The following RTN4 variants were observed in gnomAD, a reference collection of about 807,000 sequenced individuals.
RTN4 encodes the protein reticulon 4.
RTN4 carries 32 observed loss-of-function variants against 90.4 expected under a neutral mutation model. The observed-to-expected ratio is 0.35, with a 90% CI of 0.27 to 0.48. The LOEUF (loss-of-function observed/expected upper bound fraction) is 0.48. RTN4 is among the 20% of genes least tolerant of loss of function. The pLI is 0.99. For missense variants in RTN4, 1,706 were observed against 1,430.2 expected (o/e 1.19, Z -3.11); for synonymous variants, 629 against 552.5 (o/e 1.14, Z -1.94).
intron 1 of RTN4, among the ~76,000 whole-genome samples, chr2:55,107,979 G>C (rs1667973982): frequency 6.6e-6 from 1 of 151,602 alleles, no homozygotes; most frequent in Non-Finnish European, 1.5e-5. Flanking sequence ...TTGAGATGGA[G>C]TCTTGCTCTG....
At chr2:55,119,786 C>A in the RTN4 span, among the ~76,000 whole-genome samples, 49 of 152,274 alleles carry the variant, frequency 3.2e-4, no homozygotes, top group African/African-American at 1.2e-3. Flanking sequence ...TTTCCACAAC[C>A]ACCTCCTCCT....
intron 2 of RTN4, among the ~76,000 whole-genome samples, chr2:55,077,790 C>CACACACACACAG (rs1016565135): frequency 1.3e-5 from 2 of 148,904 alleles, no homozygotes; most frequent in African/African-American, 5.1e-5. Flanking sequence ...CACACACACA[C>CACACACACACAG]ACAGACACAC....
intron 3 of RTN4, among the ~76,000 whole-genome samples, chr2:55,020,917 C>T (rs1681380168): frequency 6.6e-6 from 1 of 152,006 alleles, no homozygotes; most frequent in Non-Finnish European, 1.5e-5. Context: ...GACCACCTGA[C>T]CCTGGGAGGT....
rs201003451 is a variant in RTN4 at position 55,050,279 on chromosome 2, G to A, written c.22C>T (p.Pro8Ser). MEDLDQS[P>S]LVSSSDSPPR... ...GGGCTGTCCGAGGACGAGACCAGAG[G>A]AGACTGGTCCAGGTCTTCCATGGCT... Residue 8 changes from proline (P) to serine (S), a missense_variant, in exon 1 of 9, where the codon CCT (proline) becomes TCT (serine). Pro to Ser is a moderately conservative substitution (Grantham distance 74). Coordinates refer to ENST00000337526, the MANE Select transcript of RTN4 (RefSeq NM_020532.5). This position sits in a 1 kb window ranked among gnomAD's most constrained non-coding sequence, Gnocchi z 4.6. 1.0e-4 allele frequency: 156 copies of A among 1,485,914 alleles called. No individual in the cohort carries two copies. The highest frequency in any genetic ancestry group is 1.3e-4 in the Non-Finnish European group (140 of 1,118,350). 92.0% of individuals were successfully genotyped at this position (1,485,914 alleles called of 1,614,324 possible).
intron 1 of RTN4, among the ~76,000 whole-genome samples, chr2:55,031,864 C>A (rs773918785): frequency 1.3e-5 from 2 of 152,118 alleles, no homozygotes; most frequent in Non-Finnish European, 2.9e-5. Context: ...GTCTGCAGAC[C>A]CCTACCTCTA....
At chr2:55,078,917 A>T (rs1249837293) in intron 2 of RTN4, among the ~76,000 whole-genome samples, 1 of 152,228 alleles carries the variant, frequency 6.6e-6, no homozygotes, top group African/African-American at 2.4e-5. Flanking sequence ...GGTTCGATTC[A>T]TCTGACCATC....
chr2:54,978,310 G>T (rs1677815679), intron 5 of RTN4, among the ~76,000 whole-genome samples: 1 of 151,730 alleles, frequency 6.6e-6, no homozygotes, highest in Non-Finnish European at 1.5e-5. Flanking sequence ...GACACCTGTA[G>T]TCCCAGCTAC....
intron 2 of RTN4, among the ~76,000 whole-genome samples, chr2:55,057,389 A>C (rs993233337): frequency 6.6e-6 from 1 of 152,232 alleles, no homozygotes. Context: ...ATATATGGGA[A>C]CCATAGGACA....
At position 55,084,568 on chromosome 2, in the gene RTN4, A is replaced by G. The variant is rs187175367; in HGVS notation, c.-213-3929T>C. The stretch of plus-strand genomic sequence containing the variant: ...AACCTCTGATTTGTAACCAAGTCAG[A>G]CAAAAGGTGTGGGTAATCTGGGAAC... On this transcript the variant is annotated intron_variant, in intron 1 of 3. Coordinates refer to the RTN4 transcript ENST00000427710. Among the ~76,000 whole-genome samples the G allele has an allele frequency of 7.1e-4, 108 of 152,266 alleles. 1 individual carries two copies. The highest frequency in any genetic ancestry group is 2.4e-3 in the African/African-American group (101 of 41,558).
intron 3 of RTN4, among the ~76,000 whole-genome samples, chr2:55,005,460 A>G (rs548350923): frequency 6.6e-6 from 1 of 152,344 alleles, no homozygotes; most frequent in Non-Finnish European, 1.5e-5. Context: ...AAAGGAATAC[A>G]TACTATTTAA....
chr2:55,112,886 C>T (rs1474208458), upstream of RTN4, among the ~76,000 whole-genome samples: 1 of 152,168 alleles, frequency 6.6e-6, no homozygotes, highest in African/African-American at 2.4e-5. Flanking sequence ...TCTGGAGCAA[C>T]CAAATAGCTA....
chr2:55,080,497 T>C (rs1346245749), exon 2 of RTN4: 2 of 152,244 alleles, frequency 1.3e-5, no homozygotes, highest in Non-Finnish European at 2.9e-5. Flanking sequence ...ACCTTGATTC[T>C]GTTGTCATAT....
At chr2:55,059,084 T>A (rs1003430854) in intron 2 of RTN4, among the ~76,000 whole-genome samples, 2 of 152,168 alleles carry the variant, frequency 1.3e-5, no homozygotes, top group African/African-American at 4.8e-5. Context: ...AATTCCAGGT[T>A]TATCTCTAAT....
the RTN4 span, among the ~76,000 whole-genome samples, chr2:55,136,678 G>T: frequency 6.6e-6 from 1 of 152,176 alleles, no homozygotes; most frequent in Admixed American, 6.5e-5. Context: ...TCCAGTTTGG[G>T]TCTACTGCAA....
intron 3 of RTN4, among the ~76,000 whole-genome samples, chr2:54,988,204 C>G (rs1189147809): frequency 6.6e-6 from 1 of 152,154 alleles, no homozygotes; most frequent in Admixed American, 6.5e-5. Context: ...GTAATTCCAG[C>G]TACTCGGGAG....
chr2:55,088,505 A>C (rs935912905), intron 1 of RTN4, among the ~76,000 whole-genome samples: 7 of 152,238 alleles, frequency 4.6e-5, no homozygotes, highest in African/African-American at 7.2e-5. Context: ...GGAGGATTAC[A>C]TACTGAATAC....
At chr2:55,108,905 C>A (rs1667989644) in intron 1 of RTN4, among the ~76,000 whole-genome samples, 1 of 152,090 alleles carries the variant, frequency 6.6e-6, no homozygotes, top group Admixed American at 6.5e-5. Flanking sequence ...TCCAGGAGCT[C>A]TGTGCTAAAC....
At chr2:54,996,576 T>A (rs925112864) in intron 3 of RTN4, among the ~76,000 whole-genome samples, 7 of 152,238 alleles carry the variant, frequency 4.6e-5, no homozygotes, top group African/African-American at 1.7e-4. Context: ...CCAAGGCAAC[T>A]CAATAAGAAA....
At position 54,983,007 on chromosome 2, in the gene RTN4, TG is replaced by T. The variant is rs111651966; in HGVS notation, c.3222-355del. 2.8e-3 allele frequency among the ~76,000 whole-genome samples: 425 copies of T among 152,034 alleles called. 2 individuals carry two copies. Among genetic ancestry groups the T allele is most frequent in the African/African-American group, 9.7e-3 (403 of 41,516 alleles). On this transcript the variant is annotated intron_variant, in intron 4 of 8. Transcript: ENST00000337526. The stretch of plus-strand genomic sequence containing the variant: ...TATCATGAGAATTCAGTGAGAAAAG[TG>T]CCTAATGCAACTGAGCACAAGGATG...
Sources: gnomAD v4.1 joint callset for allele counts (sites outside exome capture counted in the v4.1 genomes callset) on GRCh38, gnomAD v4.1.1 for gene constraint, Gnocchi (gnomAD v3.1) non-coding constraint, MANE v1.5 for transcripts, NCBI Gene and HGNC (gene_info 2026-07-23, HGNC 2026-07-21) for gene names.